SYNPO2: variants seen among roughly 807,000 people sequenced by gnomAD.
The protein encoded by SYNPO2 is synaptopodin-2.
SYNPO2 carries 56 observed loss-of-function variants against 85.0 expected under a neutral mutation model. The ratio of observed to expected loss-of-function variants is 0.66; its 90% CI spans 0.53 to 0.82. The LOEUF is 0.82. Among genes scored for constraint, SYNPO2 ranks in the 40% least tolerant of loss-of-function variants. The probability of loss-of-function intolerance (pLI) is 0.00; values close to 1 mark genes in which losing one functional copy is unlikely to be tolerated. For synonymous variants in SYNPO2, 602 were observed against 591.1 expected, an observed-to-expected ratio of 1.02 and a Z score of -0.27; for missense variants, 1,575 against 1,534.2, an observed-to-expected ratio of 1.03 and a Z score of -0.44.
intron 1 of SYNPO2, among the ~76,000 whole-genome samples, chr4:118,962,940 C>G (rs986646426): frequency 1.2e-4 from 18 of 152,162 alleles, no homozygotes; most frequent in Non-Finnish European, 1.5e-5. Flanking sequence ...GTGGGTGCAG[C>G]CATGATATAA....
Position 119,030,377 on chromosome 4 carries a change from T to A in SYNPO2, c.1602T>A (p.Thr534=). Residue 534 remains threonine (T), a synonymous_variant, in exon 4 of 5, where the codon ACT becomes ACA. Transcript: ENST00000307142. The stretch of plus-strand genomic sequence containing the variant: ...AGACCGATGGCCTGAGAACCACGAC[T>A]TCTTACCAAAGAAAGGAGGAAGAGT... ...AAQTDGLRTT[T]SYQRKEEESV... 1 of 1,614,138 alleles carries A rather than the reference T, an allele frequency of 6.2e-7. No homozygotes were observed. Among genetic ancestry groups the A allele is most frequent in the South Asian group, 1.1e-5 (1 of 91,076 alleles).
intron 1 of SYNPO2, among the ~76,000 whole-genome samples, chr4:118,859,449 A>C (rs374284027): frequency 0.041 from 6,257 of 152,250 alleles, 193 homozygotes; most frequent in Non-Finnish European, 0.064. Flanking sequence ...TATTTTTAAA[A>C]GTGCGACTAA....
At chr4:118,903,063 A>T (rs984753333) in intron 1 of SYNPO2, among the ~76,000 whole-genome samples, 9 of 152,214 alleles carry the variant, frequency 5.9e-5, no homozygotes, top group African/African-American at 2.2e-4. Flanking sequence ...TAGTTTCCTC[A>T]TCTGTAGAAT....
At position 119,000,875 on chromosome 4, in the gene SYNPO2, G is replaced by A. The variant is rs900807302; in HGVS notation, c.106-22555G>A. ...TCTTTCTTTTCTTTTTTTCTCTCTC[G>A]CAACATCTGCTGAGACATAAGTCTA... On this transcript the variant is annotated intron_variant, in intron 1 of 4. Transcript: ENST00000307142. Among the ~76,000 whole-genome samples the A allele has an allele frequency of 5.3e-5, 8 of 151,230 alleles. No individual in the cohort carries two copies. The South Asian group carries it at 6.3e-4, about 12-fold the overall frequency.
intron 1 of SYNPO2, among the ~76,000 whole-genome samples, chr4:119,012,959 C>T (rs867110910): frequency 6.6e-6 from 1 of 152,136 alleles, no homozygotes; most frequent in African/African-American, 2.4e-5. Flanking sequence ...TCCTGTCCAA[C>T]TCAGATATTC....
At chr4:118,918,327 G>A (rs961656798) in intron 1 of SYNPO2, among the ~76,000 whole-genome samples, 2 of 152,006 alleles carry the variant, frequency 1.3e-5, no homozygotes, top group African/African-American at 4.8e-5. Context: ...AATAGATTAT[G>A]GTATATGAAA....
In SYNPO2 at chr4:119,026,999, C is replaced by T. The variant is rs780432287; in HGVS notation, c.630C>T (p.Gly210=). ...CCCTTTCACAGGAGAGACATAAGGG[C>T]GCTAGTGGCCCTTTAGTGGCTCTCC... ...QLSLSQERHK[G]ASGPLVALPG... is the part of the protein sequence containing the mutation. Residue 210 remains glycine (G), a synonymous_variant, in exon 3 of 5, where the codon GGC becomes GGT. Transcript: ENST00000307142. 3 of 1,614,086 alleles carry T rather than the reference C, an allele frequency of 1.9e-6. No individual in the cohort carries two copies. The highest frequency in any genetic ancestry group is 3.3e-5 in the Admixed American group (2 of 60,008).
chr4:118,889,032 A>G lies in SYNPO2; in HGVS notation c.-5A>G, dbSNP rs1320149715. 1.9e-6 allele frequency: 3 copies of G among 1,613,918 alleles called. No homozygotes were observed. The highest frequency in any genetic ancestry group is 2.5e-6 in the Non-Finnish European group (3 of 1,179,960). ...CTCTTCATGCTGCCCAACTAAAAGG[A>G]AAACATGGGCACAGGGGATTTTATC... On this transcript the variant is annotated 5_prime_UTR_variant, in exon 1 of 5. Coordinates refer to ENST00000307142, the MANE Select transcript of SYNPO2 (RefSeq NM_133477.3).
chr4:119,034,705 G>A, intron 4 of SYNPO2: 1 of 985,530 alleles, frequency 1.0e-6, no homozygotes, highest in East Asian at 1.1e-4. Flanking sequence ...GTGGGAGGAA[G>A]AAGGACTAAC....
At chr4:118,990,163 G>A (rs1202417212) in intron 1 of SYNPO2, among the ~76,000 whole-genome samples, 1 of 152,138 alleles carries the variant, frequency 6.6e-6, no homozygotes, top group African/African-American at 2.4e-5. Context: ...TCCTCTGCAA[G>A]TATGGGTAAT....
intron 1 of SYNPO2, among the ~76,000 whole-genome samples, chr4:118,879,325 G>T (rs979643873): frequency 6.6e-6 from 1 of 152,140 alleles, no homozygotes; most frequent in Admixed American, 6.5e-5. Flanking sequence ...TTTTCCCTAG[G>T]CTCTGGGGAA....
intron 1 of SYNPO2, among the ~76,000 whole-genome samples, chr4:118,960,563 A>G (rs1735043890): frequency 6.6e-6 from 1 of 152,132 alleles, no homozygotes; most frequent in Non-Finnish European, 1.5e-5. Flanking sequence ...TAGGGGACTC[A>G]TTAATTTAAA....
chr4:118,946,217 A>G (rs60938668), intron 1 of SYNPO2, among the ~76,000 whole-genome samples: 4,922 of 152,320 alleles, frequency 0.032, 142 homozygotes, highest in East Asian at 0.14. Context: ...CACATGAAAT[A>G]CTGTAAGTGG....
chr4:118,924,419 A>G (rs1733645436), intron 1 of SYNPO2, among the ~76,000 whole-genome samples: 1 of 152,214 alleles, frequency 6.6e-6, no homozygotes, highest in South Asian at 2.1e-4. Flanking sequence ...ATTCTGAGTA[A>G]CAATGTGGCC....
At chr4:118,994,450 A>G (rs1338486390) in intron 1 of SYNPO2, among the ~76,000 whole-genome samples, 1 of 152,236 alleles carries the variant, frequency 6.6e-6, no homozygotes, top group South Asian at 2.1e-4. Context: ...GTTTTGAAAG[A>G]GGAGACCTAC....
At chr4:118,948,809 C>A (rs1403419327) in intron 1 of SYNPO2, among the ~76,000 whole-genome samples, 1 of 152,200 alleles carries the variant, frequency 6.6e-6, no homozygotes, top group Non-Finnish European at 1.5e-5. Flanking sequence ...CACTAGGCCC[C>A]ACCTCCAGTT....
intron 3 of SYNPO2, 122 bp downstream of exon 3, chr4:119,027,560 T>A: frequency 1.1e-6 from 1 of 951,140 alleles, no homozygotes; most frequent in Non-Finnish European, 1.5e-6. Context: ...AAGAAATATT[T>A]AATTAATGCA....
chr4:118,998,874 CTT>C (rs1192502014), intron 1 of SYNPO2, among the ~76,000 whole-genome samples: 1 of 151,874 alleles, frequency 6.6e-6, no homozygotes, highest in Non-Finnish European at 1.5e-5. Context: ...CCCTCTCTCT[CTT>C]ACTCTGTTTT....
intron 1 of SYNPO2, among the ~76,000 whole-genome samples, chr4:118,978,792 G>GACACAC (rs5861400): frequency 3.2e-4 from 48 of 148,432 alleles, no homozygotes; most frequent in African/African-American, 7.0e-4. Context: ...CTCCTGCCAT[G>GACACAC]ACACACACAC....
Sources: allele counts gnomAD v4.1 joint callset (sites outside exome capture counted in the v4.1 genomes callset), GRCh38; gene constraint gnomAD v4.1.1; transcripts MANE v1.5; gene names NCBI Gene and HGNC (gene_info 2026-07-23, HGNC 2026-07-21).